BNC2: variants seen among roughly 807,000 people sequenced by gnomAD.
BNC2 encodes the protein basonuclin zinc finger protein 2, also known as zinc finger protein basonuclin-2.
A neutral mutation model predicts 76.3 loss-of-function variants in BNC2; 20 were observed. The observed-to-expected ratio is 0.26, with a 90% CI of 0.18 to 0.38. The LOEUF (loss-of-function observed/expected upper bound fraction) is 0.38. BNC2 is among the 10% of genes least tolerant of loss of function. The pLI is 1.00. For synonymous variants in BNC2, 582 were observed against 514.8 expected (o/e 1.13, Z -1.77); for missense variants, 1,382 against 1,399.8 (o/e 0.99, Z 0.20).
chr9:16,826,290 G>C (rs1201755162), intron 1 of BNC2, among the ~76,000 whole-genome samples: 1 of 141,968 alleles, frequency 7.0e-6, no homozygotes, highest in Non-Finnish European at 1.5e-5. Flanking sequence ...CTGCCTTTTA[G>C]AACCACCAAG....
chr9:16,690,054 C>G (rs927837750), intron 3 of BNC2, among the ~76,000 whole-genome samples: 2 of 152,264 alleles, frequency 1.3e-5, no homozygotes, highest in East Asian at 3.9e-4. Flanking sequence ...ATTTTTCAGC[C>G]TACAATTTAA....
At chr9:16,681,130 T>C (rs1386987727) in intron 3 of BNC2, among the ~76,000 whole-genome samples, 4 of 152,198 alleles carry the variant, frequency 2.6e-5, no homozygotes, top group Admixed American at 2.0e-4. Context: ...GAAGCTGAGA[T>C]GGTGGCATAC....
At chr9:16,529,898 G>A (rs1302144953) in intron 5 of BNC2, among the ~76,000 whole-genome samples, 1 of 152,102 alleles carries the variant, frequency 6.6e-6, no homozygotes, top group African/African-American at 2.4e-5. Context: ...GTCCAGGCTG[G>A]AGAGCAGTGG....
intron 2 of BNC2, among the ~76,000 whole-genome samples, chr9:16,733,882 C>T (rs1463298321): frequency 6.6e-6 from 1 of 150,378 alleles, no homozygotes; most frequent in Non-Finnish European, 1.5e-5. Context: ...GAAACTCCAT[C>T]TGAAAAAAAA....
At chr9:16,768,991 G>T (rs909186957) in intron 1 of BNC2, among the ~76,000 whole-genome samples, 1 of 152,116 alleles carries the variant, frequency 6.6e-6, no homozygotes, top group East Asian at 1.9e-4. Context: ...GGTAGGGGGC[G>T]GAACTTCCAG....
chr9:16,650,629 G>A (rs1821767861), intron 3 of BNC2, among the ~76,000 whole-genome samples: 1 of 151,888 alleles, frequency 6.6e-6, no homozygotes, highest in Non-Finnish European at 1.5e-5. Flanking sequence ...ACCAAAGTCT[G>A]ACTTCTATAA....
chr9:16,614,124 G>C (rs887342306), intron 3 of BNC2, among the ~76,000 whole-genome samples: 5 of 152,144 alleles, frequency 3.3e-5, no homozygotes, highest in Admixed American at 1.3e-4. Context: ...TAACGCTTGG[G>C]ATTGAAACCC....
intron 3 of BNC2, among the ~76,000 whole-genome samples, chr9:16,605,784 CTTTTTT>C (rs34431220): frequency 2.7e-5 from 3 of 110,762 alleles, no homozygotes; most frequent in Admixed American, 9.4e-5. Context: ...TTCAAGAATT[CTTTTTT>C]TTTTTTTTTT....
In BNC2 at chr9:16,794,181, T is replaced by C. The variant is rs183505891; in HGVS notation, c.4-55696A>G. ...GCTGGCCAAGAAGGTCCATCTCCTC[T>C]GTAAGCATCTCAGCCACATTTCAAG... On this transcript the variant is annotated intron_variant, in intron 1 of 6. Coordinates refer to ENST00000380672, the MANE Select transcript of BNC2 (RefSeq NM_017637.6). 1.4e-3 allele frequency among the ~76,000 whole-genome samples: 207 copies of C among 152,260 alleles called. 3 individuals are homozygous for C. The highest frequency in any genetic ancestry group is 4.3e-3 in the African/African-American group (180 of 41,560).
chr9:16,674,326 C>T (rs1452620719), intron 3 of BNC2, among the ~76,000 whole-genome samples: 2 of 152,114 alleles, frequency 1.3e-5, no homozygotes. Context: ...AATCTCATCC[C>T]AATTTCCTAG....
Position 16,844,434 on chromosome 9 carries a change from C to T in BNC2, c.3+26212G>A, listed in dbSNP as rs550706489. Among the ~76,000 whole-genome samples, 6 of 150,678 alleles carry T rather than the reference C, an allele frequency of 4.0e-5. No individual in the cohort carries two copies. The South Asian group carries it at 1.0e-3, about 26-fold the overall frequency. ...ACATTCCTTTAAAAAAAAAAGATGT[C>T]AGGTGGTAATTCTAGGGATGGGGAG... On this transcript the variant is annotated intron_variant, in intron 1 of 6. Coordinates refer to ENST00000380672, the MANE Select transcript of BNC2 (RefSeq NM_017637.6).
intron 5 of BNC2, among the ~76,000 whole-genome samples, chr9:16,511,304 T>A (rs973268544): frequency 6.6e-6 from 1 of 151,706 alleles, no homozygotes; most frequent in African/African-American, 2.4e-5. Context: ...AAAGAAAGGG[T>A]CTTGCTATGT....
At chr9:16,686,548 C>T (rs1452763623) in intron 3 of BNC2, among the ~76,000 whole-genome samples, 1 of 152,150 alleles carries the variant, frequency 6.6e-6, no homozygotes, top group African/African-American at 2.4e-5. Context: ...ATCAACTAAG[C>T]ATCATCTCAC....
At chr9:16,456,008 G>A (rs2131144442) in intron 5 of BNC2, among the ~76,000 whole-genome samples, 1 of 152,154 alleles carries the variant, frequency 6.6e-6, no homozygotes, top group East Asian at 1.9e-4. Context: ...AAGAGCTCAA[G>A]CCACTGCTTA....
intron 1 of BNC2, among the ~76,000 whole-genome samples, chr9:16,810,640 G>T (rs544968505): frequency 1.9e-4 from 29 of 152,172 alleles, no homozygotes; most frequent in South Asian, 4.1e-4. Context: ...TCATTTTAGT[G>T]GCTCTTAACC....
intron 3 of BNC2, among the ~76,000 whole-genome samples, chr9:16,629,658 A>G (rs1821103329): frequency 6.6e-6 from 1 of 152,218 alleles, no homozygotes; most frequent in South Asian, 2.1e-4. Context: ...AAACCAAGTC[A>G]CATGATTTTT....
At chr9:16,538,329 G>A (rs1245212163) in intron 5 of BNC2, among the ~76,000 whole-genome samples, 1 of 152,102 alleles carries the variant, frequency 6.6e-6, no homozygotes, top group African/African-American at 2.4e-5. Context: ...CTAACAAAGG[G>A]AATACAGACT....
At chr9:16,743,768 A>G (rs899316953) in intron 1 of BNC2, among the ~76,000 whole-genome samples, 15 of 152,204 alleles carry the variant, frequency 9.9e-5, no homozygotes, top group Non-Finnish European at 1.9e-4. Context: ...ATACTGCCAG[A>G]TGGACTGGCT....
chr9:16,556,720 A>C (rs1231099195), intron 4 of BNC2, among the ~76,000 whole-genome samples: 7 of 151,310 alleles, frequency 4.6e-5, no homozygotes, highest in African/African-American at 1.7e-4. Context: ...ATGAGCCAAG[A>C]TCATGCCACT....
Sources: allele counts gnomAD v4.1 joint callset (sites outside exome capture counted in the v4.1 genomes callset), GRCh38; gene constraint gnomAD v4.1.1; transcripts MANE v1.5; gene names NCBI Gene and HGNC (gene_info 2026-07-23, HGNC 2026-07-21).